SLCO3A1: variants seen among roughly 807,000 people sequenced by gnomAD.
SLCO3A1 encodes solute carrier organic anion transporter family member 3A1, also known as PGE1 transporter.
SLCO3A1 carries 27 observed loss-of-function variants against 63.1 expected under a neutral mutation model. That is an observed-to-expected ratio of 0.43 (90% CI 0.32 to 0.59). The LOEUF (loss-of-function observed/expected upper bound fraction) is 0.59, where lower values mean the gene tolerates loss of function less well. Among genes scored for constraint, SLCO3A1 ranks in the 20% least tolerant of loss-of-function variants. SLCO3A1 has a pLI of 0.09. For synonymous variants in SLCO3A1, 473 were observed against 409.9 expected (o/e 1.15, Z -1.86); for missense variants, 773 against 945.8 (o/e 0.82, Z 2.40).
At chr15:92,146,306 T>C (rs2048221797) in intron 7 of SLCO3A1, among the ~76,000 whole-genome samples, 1 of 152,192 alleles carries the variant, frequency 6.6e-6, no homozygotes, top group Admixed American at 6.5e-5. Context: ...TCAAATGAAA[T>C]GCAGTCACTT....
In SLCO3A1 at chr15:92,146,975, C is replaced by A. The variant is rs750442207; in HGVS notation, c.1513-9C>A. The A allele has an allele frequency of 6.2e-7, 1 of 1,602,758 alleles. No homozygotes were observed. Among genetic ancestry groups the A allele is most frequent in the East Asian group, 2.2e-5 (1 of 44,764 alleles). ...CCCCAGATAAAAGGGCTGAACGCTT[C>A]CCTTTCAGAATCTCACGGGCTGTGC... On this transcript the variant is annotated splice_polypyrimidine_tract_variant and intron_variant, in intron 7 of 9. Coordinates refer to ENST00000318445, the MANE Select transcript of SLCO3A1 (RefSeq NM_013272.4).
intron 2 of SLCO3A1, among the ~76,000 whole-genome samples, chr15:92,007,772 T>TA (rs2046328367): frequency 6.6e-6 from 1 of 152,188 alleles, no homozygotes. Context: ...ATTAAATTAT[T>TA]AAAATAATCC....
At chr15:91,866,722 G>C (rs1897175332) in intron 1 of SLCO3A1, among the ~76,000 whole-genome samples, 1 of 152,086 alleles carries the variant, frequency 6.6e-6, no homozygotes, top group Non-Finnish European at 1.5e-5. Flanking sequence ...CGTGGGGGGG[G>C]AGATGACATG....
chr15:91,898,291 G>A (rs1898060318), intron 1 of SLCO3A1, among the ~76,000 whole-genome samples: 1 of 152,242 alleles, frequency 6.6e-6, no homozygotes, highest in Non-Finnish European at 1.5e-5. Flanking sequence ...CTCTATTCTA[G>A]ACGCTTGAGA....
intron 5 of SLCO3A1, among the ~76,000 whole-genome samples, chr15:92,124,083 T>G (rs1299196055): frequency 1.3e-5 from 2 of 152,098 alleles, no homozygotes; most frequent in African/African-American, 4.8e-5. Context: ...GAAGGCAGAC[T>G]TGGGAGATGA....
chr15:92,093,863 A>G (rs2047507137), intron 2 of SLCO3A1, among the ~76,000 whole-genome samples: 1 of 151,968 alleles, frequency 6.6e-6, no homozygotes, highest in Non-Finnish European at 1.5e-5. Flanking sequence ...TTAGGTTCCC[A>G]GCAAGTGACA....
intron 2 of SLCO3A1, among the ~76,000 whole-genome samples, chr15:91,940,413 T>C (rs962613587): frequency 1.3e-5 from 2 of 152,178 alleles, no homozygotes; most frequent in African/African-American, 2.4e-5. Flanking sequence ...CTCAGGGACA[T>C]TGGCTTAAAG....
chr15:91,861,333 C>G (rs1347080336), intron 1 of SLCO3A1, among the ~76,000 whole-genome samples: 1 of 152,220 alleles, frequency 6.6e-6, no homozygotes, highest in East Asian at 1.9e-4. Context: ...TGGATGTACA[C>G]AGAACCTCAG....
At chr15:91,931,974 A>G (rs1373493211) in intron 2 of SLCO3A1, among the ~76,000 whole-genome samples, 3 of 152,144 alleles carry the variant, frequency 2.0e-5, no homozygotes, top group African/African-American at 7.2e-5. Flanking sequence ...AAGGTGGAAG[A>G]TTAGGTTCAG....
intron 2 of SLCO3A1, among the ~76,000 whole-genome samples, chr15:91,959,609 G>T (rs1388233271): frequency 6.7e-6 from 1 of 149,998 alleles, no homozygotes; most frequent in East Asian, 2.0e-4. Context: ...GTGGGCACCT[G>T]TAATCCCAGG....
At chr15:92,130,786 G>C (rs1416430085) in intron 7 of SLCO3A1, among the ~76,000 whole-genome samples, 1 of 146,870 alleles carries the variant, frequency 6.8e-6, no homozygotes, top group Non-Finnish European at 1.5e-5. Context: ...CTCTGCTGCA[G>C]TATTTTGGGA....
Position 92,164,694 on chromosome 15 carries a change from G to A in SLCO3A1, c.*1559G>A. On this transcript the variant is annotated 3_prime_UTR_variant, in exon 10 of 10. Transcript: ENST00000318445. The stretch of plus-strand genomic sequence containing the variant: ...TGAAAATGTCTGTGACATTTTCAGT[G>A]TTAGTCTTGAACTAAGGCCCTTGTC... 1 of 985,444 alleles carries A rather than the reference G, an allele frequency of 1.0e-6. No homozygotes were observed. 61.0% of individuals were successfully genotyped at this position (985,444 alleles called of 1,614,324 possible).
chr15:92,102,454 C>T (rs1234351855), intron 3 of SLCO3A1, among the ~76,000 whole-genome samples: 1 of 152,104 alleles, frequency 6.6e-6, no homozygotes, highest in Non-Finnish European at 1.5e-5. Flanking sequence ...TTGCTCATTG[C>T]CTGTCATCCT....
chr15:92,117,920 A>G (rs2047815424), intron 4 of SLCO3A1, among the ~76,000 whole-genome samples: 1 of 152,248 alleles, frequency 6.6e-6, no homozygotes. Flanking sequence ...TATTTGTACC[A>G]TACTTTAAAC....
At chr15:91,951,553 CT>C (rs531872968) in intron 2 of SLCO3A1, among the ~76,000 whole-genome samples, 1 of 145,942 alleles carries the variant, frequency 6.9e-6, no homozygotes, top group Non-Finnish European at 1.5e-5. Context: ...TTTCTTTTTT[CT>C]TTTCTTTTTT....
chr15:92,030,822 A>T (rs549861508), intron 2 of SLCO3A1, among the ~76,000 whole-genome samples: 1 of 152,088 alleles, frequency 6.6e-6, no homozygotes, highest in South Asian at 2.1e-4. Context: ...TGAGTACACT[A>T]CTGAACTACG....
chr15:92,029,943 C>T (rs1231045710), intron 2 of SLCO3A1, among the ~76,000 whole-genome samples: 1 of 152,126 alleles, frequency 6.6e-6, no homozygotes, highest in East Asian at 1.9e-4. Context: ...TACCTCGGAG[C>T]TGCTAAGAAT....
chr15:92,021,339 C>A (rs1262113056), intron 2 of SLCO3A1, among the ~76,000 whole-genome samples: 1 of 152,200 alleles, frequency 6.6e-6, no homozygotes, highest in Non-Finnish European at 1.5e-5. Context: ...TTTATCAAAC[C>A]ATCTTTTAAC....
At chr15:92,024,962 C>T (rs1268173790) in intron 2 of SLCO3A1, among the ~76,000 whole-genome samples, 2 of 152,082 alleles carry the variant, frequency 1.3e-5, no homozygotes, top group African/African-American at 2.4e-5. Context: ...TCTGTTCATC[C>T]ATTCATCCAT....
Sources: gnomAD v4.1 joint callset for allele counts (sites outside exome capture counted in the v4.1 genomes callset) on GRCh38, gnomAD v4.1.1 for gene constraint, MANE v1.5 for transcripts, NCBI Gene and HGNC (gene_info 2026-07-23, HGNC 2026-07-21) for gene names.